LIMCH1: variants seen among roughly 807,000 people sequenced by gnomAD.
LIMCH1 encodes LIM and calponin homology domains 1.
In LIMCH1, 113 loss-of-function variants were observed where a neutral mutation model predicts 176.5. The ratio of observed to expected loss-of-function variants is 0.64; its 90% confidence interval spans 0.55 to 0.75. LIMCH1 has a LOEUF of 0.75. LIMCH1 is among the 30% of genes least tolerant of loss of function. The pLI is 0.00. For missense variants in LIMCH1, 1,674 were observed against 1,814.9 expected (o/e 0.92, Z 1.41); for synonymous variants, 619 against 645.9 (o/e 0.96, Z 0.63).
chr4:41,572,557 A>G (rs907365142), intron 1 of LIMCH1, among the ~76,000 whole-genome samples: 1 of 152,208 alleles, frequency 6.6e-6, no homozygotes, highest in Non-Finnish European at 1.5e-5. Flanking sequence ...GAAAAAAGCA[A>G]GGCTCTTAGT....
chr4:41,612,969 A>G (rs2091623203), intron 4 of LIMCH1: 3 of 1,545,794 alleles, frequency 1.9e-6, no homozygotes, highest in Non-Finnish European at 2.6e-6. Flanking sequence ...TACAGAACTG[A>G]TTCTGCAGCA....
chr4:41,668,136 A>G (rs528521752), intron 21 of LIMCH1, among the ~76,000 whole-genome samples: 1 of 152,244 alleles, frequency 6.6e-6, no homozygotes, highest in African/African-American at 2.4e-5. Context: ...GTGGGCAGCT[A>G]TTTGAGCCAC....
chr4:41,399,106 C>T (rs1254522338), intron 1 of LIMCH1, among the ~76,000 whole-genome samples: 1 of 152,094 alleles, frequency 6.6e-6, no homozygotes, highest in East Asian at 1.9e-4. Flanking sequence ...TTTTTGTTGC[C>T]TTGCCTGCTT....
chr4:41,422,960 T>C (rs910710391), intron 1 of LIMCH1, among the ~76,000 whole-genome samples: 4 of 152,058 alleles, frequency 2.6e-5, no homozygotes, highest in Admixed American at 2.0e-4. Context: ...GGTTTCGCTA[T>C]GTTGCTTAGG....
intron 1 of LIMCH1, among the ~76,000 whole-genome samples, chr4:41,576,903 T>C (rs534828045): frequency 4.6e-5 from 7 of 152,162 alleles, no homozygotes; most frequent in Non-Finnish European, 8.8e-5. Context: ...ATAAGCAGAA[T>C]TGACTGTTGA....
chr4:41,645,511 A>G (rs1321049898), intron 15 of LIMCH1, among the ~76,000 whole-genome samples: 1 of 152,190 alleles, frequency 6.6e-6, no homozygotes, highest in African/African-American at 2.4e-5. Flanking sequence ...CTGAGATTCC[A>G]AAGCATGGAA....
intron 7 of LIMCH1, among the ~76,000 whole-genome samples, chr4:41,622,156 A>G (rs2092629071): frequency 1.3e-5 from 2 of 152,052 alleles, no homozygotes; most frequent in Non-Finnish European, 2.9e-5. Context: ...TTTTTTTAAA[A>G]CTCCAGATTT....
At chr4:41,557,039 C>T (rs1353223929) in intron 1 of LIMCH1, among the ~76,000 whole-genome samples, 1 of 152,132 alleles carries the variant, frequency 6.6e-6, no homozygotes, top group South Asian at 2.1e-4. Flanking sequence ...TCATTAATGG[C>T]CATTCCAGGA....
intron 1 of LIMCH1, among the ~76,000 whole-genome samples, chr4:41,589,713 C>T (rs78657882): frequency 0.038 from 5,783 of 152,240 alleles, 272 homozygotes; most frequent in African/African-American, 0.11. Flanking sequence ...GGGTTAGCCT[C>T]GCTCGTTCTG....
At position 41,510,714 on chromosome 4, in the gene LIMCH1, G is replaced by A. The variant is rs1253682998; in HGVS notation, c.168-13695G>A. Reference sequence around the variant, plus strand: ...AGTGATTCTGCTGCCTCAGCCTCCCGAGTAGCTGGGATTACAGGCGTCTGC... The same window carrying A: ...AGTGATTCTGCTGCCTCAGCCTCCCAAGTAGCTGGGATTACAGGCGTCTGC... On this transcript the variant is annotated intron_variant, in intron 2 of 26. Transcript: ENST00000313860. Among the ~76,000 whole-genome samples the A allele has an allele frequency of 2.0e-5, 3 of 151,868 alleles. No individual in the cohort carries two copies. In the South Asian group the frequency reaches 6.3e-4, roughly 32 times the overall value.
At chr4:41,514,285 TA>T (rs2075329465) in intron 2 of LIMCH1, among the ~76,000 whole-genome samples, 1 of 152,028 alleles carries the variant, frequency 6.6e-6, no homozygotes, top group African/African-American at 2.4e-5. Context: ...TGATGTGTGA[TA>T]AATAGGGAAG....
chr4:41,462,573 C>G (rs1455403349), intron 1 of LIMCH1, among the ~76,000 whole-genome samples: 1 of 152,150 alleles, frequency 6.6e-6, no homozygotes, highest in Non-Finnish European at 1.5e-5. Flanking sequence ...TAAAAAAATG[C>G]TTTGAATCAC....
intron 8 of LIMCH1, among the ~76,000 whole-genome samples, chr4:41,628,008 C>T (rs1408057054): frequency 3.3e-5 from 5 of 152,088 alleles, no homozygotes; most frequent in Admixed American, 6.5e-5. Flanking sequence ...ATACAAAAAC[C>T]CATGAGGGAT....
chr4:41,456,520 C>T (rs2064624396), intron 1 of LIMCH1, among the ~76,000 whole-genome samples: 1 of 152,106 alleles, frequency 6.6e-6, no homozygotes, highest in Admixed American at 6.5e-5. Flanking sequence ...TCTTCTTTGA[C>T]CAGTGTTGCA....
At chr4:41,558,737 T>G (rs73146338) in intron 1 of LIMCH1, among the ~76,000 whole-genome samples, 9,656 of 152,252 alleles carry the variant, frequency 0.063, 983 homozygotes, top group African/African-American at 0.22. Flanking sequence ...TCCACCTTGG[T>G]ACAGTAAATT....
intron 1 of LIMCH1, among the ~76,000 whole-genome samples, chr4:41,481,020 GATTTTTTTTTTTTTGTAGAC>G (rs2068519669): frequency 2.0e-5 from 3 of 150,180 alleles, no homozygotes; most frequent in African/African-American, 7.4e-5. Flanking sequence ...TTCTTAATTA[GATTTTTTTTTTTTTGTAGAC>G]TCTGTCAGTC....
At chr4:41,435,177 A>C (rs751856365) in intron 1 of LIMCH1, among the ~76,000 whole-genome samples, 2 of 152,182 alleles carry the variant, frequency 1.3e-5, no homozygotes, top group Non-Finnish European at 2.9e-5. Flanking sequence ...GAGATTATCC[A>C]ATGTTATCCC....
chr4:41,533,565 T>C (rs902617179), upstream of LIMCH1, among the ~76,000 whole-genome samples: 1 of 152,192 alleles, frequency 6.6e-6, no homozygotes, highest in Non-Finnish European at 1.5e-5. Context: ...ATATACCAAA[T>C]AGAGATGATG....
chr4:41,390,946 G>A (rs1337095460), intron 1 of LIMCH1, among the ~76,000 whole-genome samples: 1 of 152,114 alleles, frequency 6.6e-6, no homozygotes, highest in African/African-American at 2.4e-5. Flanking sequence ...CTTATTCTGG[G>A]CAGCCACGTG....
Sources: allele counts gnomAD v4.1 joint callset (sites outside exome capture counted in the v4.1 genomes callset), GRCh38; gene constraint gnomAD v4.1.1; transcripts MANE v1.5; gene names NCBI Gene and HGNC (gene_info 2026-07-23, HGNC 2026-07-21).